Variants in TSHZ3 observed in about 807,000 individuals in gnomAD.
TSHZ3 encodes teashirt homolog 3.
Under a neutral mutation model 64.5 loss-of-function variants are expected in TSHZ3, and 10 were observed. The ratio of observed to expected loss-of-function variants is 0.16; its 90% confidence interval spans 0.10 to 0.26. The LOEUF (loss-of-function observed/expected upper bound fraction) is 0.26. TSHZ3 is among the 10% of genes least tolerant of loss of function. The pLI is 1.00. For missense variants in TSHZ3, 1,242 were observed against 1,421.7 expected, an observed-to-expected ratio of 0.87 and a Z score of 2.03; for synonymous variants, 608 against 593.1, an observed-to-expected ratio of 1.03 and a Z score of -0.36.
intron 5 of TSHZ3, among the ~76,000 whole-genome samples, chr19:31,156,563 C>A (rs1974308372): frequency 6.6e-6 from 1 of 152,134 alleles, no homozygotes; most frequent in African/African-American, 2.4e-5. Context: ...TATCCACCTG[C>A]AGAAGCACAA....
At chr19:31,260,125 T>G (rs1339008739) in intron 1 of TSHZ3, among the ~76,000 whole-genome samples, 1 of 152,150 alleles carries the variant, frequency 6.6e-6, no homozygotes, top group African/African-American at 2.4e-5. Context: ...CTGAGCCATC[T>G]CCAGGGCCCA....
rs1419433504 is a variant in TSHZ3, at chr19:31,275,100, A to G, written c.*1447T>C. The stretch of plus-strand genomic sequence containing the variant: ...CAATATTTTATACAAAGGTTCTCAT[A>G]TGGTGTCAGCTGTCAGTTACTTCTG... On this transcript the variant is annotated 3_prime_UTR_variant, in exon 2 of 2. Coordinates refer to ENST00000240587, the MANE Select transcript of TSHZ3 (RefSeq NM_020856.4). 1 of 152,526 alleles carries G rather than the reference A, an allele frequency of 6.6e-6. No homozygotes were observed. The highest frequency in any genetic ancestry group is 1.5e-5 in the Non-Finnish European group (1 of 68,032). The allele number at this position is 152,526 out of a possible 1,614,324, so 9.4% of individuals were successfully genotyped here. A position where few individuals can be genotyped will look rare whatever the true frequency, so the allele number is the denominator to read the frequency against.
chr19:31,226,717 A>C (rs1428602444), intron 4 of TSHZ3, among the ~76,000 whole-genome samples: 2 of 152,066 alleles, frequency 1.3e-5, no homozygotes, highest in Non-Finnish European at 2.9e-5. Context: ...TTCAAGACAT[A>C]AGGTGACCAT....
rs535318862 is a variant in TSHZ3 at position 31,257,837 on chromosome 19, C to T, written n.64-14962G>A. ...GAGTCTGAGAGTTCTAAGTTGGGCA[C>T]GAAAGCAGATCTGACTGGGGATTTA... On this transcript the variant is annotated intron_variant and non_coding_transcript_variant, in intron 1 of 6. Transcript: ENST00000651361. Among the ~76,000 whole-genome samples the T allele has an allele frequency of 5.8e-4, 88 of 152,240 alleles. 1 individual carries two copies. The highest frequency in any genetic ancestry group is 2.0e-3 in the African/African-American group (83 of 41,552).
At chr19:31,232,137 A>T (rs1324588479) in intron 3 of TSHZ3, among the ~76,000 whole-genome samples, 1 of 152,020 alleles carries the variant, frequency 6.6e-6, no homozygotes, top group Non-Finnish European at 1.5e-5. Flanking sequence ...ACCCTGGGGG[A>T]GCGTCTGTAA....
chr19:31,306,147 C>G (rs896811960), intron 1 of TSHZ3, among the ~76,000 whole-genome samples: 2 of 152,154 alleles, frequency 1.3e-5, no homozygotes, highest in Non-Finnish European at 2.9e-5. Context: ...GACGGCACAC[C>G]CACCGTGTGC....
chr19:31,321,571 A>T (rs941255514), intron 1 of TSHZ3, among the ~76,000 whole-genome samples: 2 of 152,096 alleles, frequency 1.3e-5, no homozygotes, highest in African/African-American at 4.8e-5. Context: ...AGGTTAACGC[A>T]AGGGGCCTGG....
chr19:31,237,277 C>T (rs891315418), intron 3 of TSHZ3, among the ~76,000 whole-genome samples: 1 of 152,148 alleles, frequency 6.6e-6, no homozygotes, highest in Non-Finnish European at 1.5e-5. Flanking sequence ...AGTAATTTGT[C>T]TCTTTCACCT....
At chr19:31,340,830 G>A (rs111609197) in intron 1 of TSHZ3, among the ~76,000 whole-genome samples, 7,038 of 152,270 alleles carry the variant, frequency 0.046, 571 homozygotes, top group African/African-American at 0.16. Flanking sequence ...CAGGAGGCAG[G>A]CCCCGCTTTC....
At chr19:31,263,449 C>T (rs1976008252) in intron 1 of TSHZ3, among the ~76,000 whole-genome samples, 1 of 152,210 alleles carries the variant, frequency 6.6e-6, no homozygotes, top group East Asian at 1.9e-4. Context: ...CGGCTGCCCC[C>T]CAGCAGCGAG....
intron 1 of TSHZ3, among the ~76,000 whole-genome samples, chr19:31,257,824 T>C (rs530651275): frequency 6.6e-6 from 1 of 152,152 alleles, no homozygotes; most frequent in Non-Finnish European, 1.5e-5. Context: ...GTCTGAGAGT[T>C]CTAAGTTGGG....
intron 1 of TSHZ3, among the ~76,000 whole-genome samples, chr19:31,247,344 G>T (rs573505585): frequency 1.3e-5 from 2 of 152,228 alleles, no homozygotes; most frequent in East Asian, 1.9e-4. Flanking sequence ...CTAATCATGG[G>T]ACAAAGCTAC....
At chr19:31,332,658 C>T (rs933852143) in intron 1 of TSHZ3, among the ~76,000 whole-genome samples, 3 of 152,108 alleles carry the variant, frequency 2.0e-5, no homozygotes, top group Non-Finnish European at 4.4e-5. Context: ...TTCAAAAAAG[C>T]TGCACAACTC....
At position 31,278,645 on chromosome 19, in the gene TSHZ3, G is replaced by A. The variant is rs1427719760; in HGVS notation, c.1148C>T (p.Ser383Leu). ...ACACTCCATGCACTTCAGGATCTGC[G>A]ACTTCCGGGCCTCAAAGTGCCATGC... ...SYAWHFEARK[S>L]QILKCMECGS... Residue 383 changes from serine to leucine, a missense_variant, in exon 2 of 2, where the codon TCG becomes TTG. Coordinates refer to ENST00000240587, the MANE Select transcript of TSHZ3 (RefSeq NM_020856.4). The surrounding 1 kb of genome is among the most constrained non-coding windows in gnomAD (Gnocchi z 4.7). 1.1e-5 allele frequency: 17 copies of A among 1,613,998 alleles called. No individual in the cohort carries two copies. The highest frequency in any genetic ancestry group is 1.3e-5 in the Non-Finnish European group (15 of 1,180,018).
chr19:31,234,927 T>C (rs1469368574), intron 3 of TSHZ3, among the ~76,000 whole-genome samples: 1 of 152,198 alleles, frequency 6.6e-6, no homozygotes, highest in East Asian at 1.9e-4. Flanking sequence ...CTGTGTAATA[T>C]TGATGTTATT....
chr19:31,219,961 T>TCAA (rs1379476666), intron 4 of TSHZ3, among the ~76,000 whole-genome samples: 1 of 152,064 alleles, frequency 6.6e-6, no homozygotes, highest in Non-Finnish European at 1.5e-5. Context: ...CAATTGATTA[T>TCAA]TTGATCAATT....
chr19:31,312,918 G>C (rs181156562), intron 1 of TSHZ3, among the ~76,000 whole-genome samples: 55 of 152,268 alleles, frequency 3.6e-4, no homozygotes, highest in African/African-American at 1.3e-3. Flanking sequence ...TTGATTTCAC[G>C]GCGTTTATTT....
intron 4 of TSHZ3, among the ~76,000 whole-genome samples, chr19:31,224,562 C>A (rs1272782112): frequency 2.6e-5 from 4 of 152,172 alleles, no homozygotes; most frequent in Non-Finnish European, 5.9e-5. Context: ...ATCATGCAGA[C>A]CTATGTGGAT....
rs1020025763 is a variant in TSHZ3, at chr19:31,319,464, T to C, written c.40+29716A>G. On this transcript the variant is annotated intron_variant, in intron 1 of 1. Transcript: ENST00000240587. The stretch of plus-strand genomic sequence containing the variant: ...AAACAATTAAGCCACACTGAAGAAG[T>C]GAAAATGGCTGAAACCCTAAGGTGA... Among the ~76,000 whole-genome samples the C allele has an allele frequency of 3.3e-5, 5 of 151,872 alleles. 1 individual carries two copies. The highest frequency in any genetic ancestry group is 3.3e-4 in the Admixed American group (5 of 15,272).
Sources: allele counts gnomAD v4.1 joint callset (sites outside exome capture counted in the v4.1 genomes callset), GRCh38; gene constraint gnomAD v4.1.1; non-coding constraint Gnocchi (gnomAD v3.1); transcripts MANE v1.5; gene names NCBI Gene and HGNC (gene_info 2026-07-23, HGNC 2026-07-21).